The following MAPK4 variants were observed in gnomAD, a reference collection of about 807,000 sequenced individuals.
The protein encoded by MAPK4 is Erk3-related.
MAPK4 carries 22 observed loss-of-function variants against 47.7 expected under a neutral mutation model. That is an observed-to-expected ratio of 0.46 (90% confidence interval 0.33 to 0.66). The LOEUF (loss-of-function observed/expected upper bound fraction) is 0.66, where lower values mean the gene tolerates loss of function less well. Ranked by LOEUF, MAPK4 falls within the 30% of genes least tolerant of loss-of-function variation. MAPK4 has a pLI of 0.02. For missense variants in MAPK4, 736 were observed against 831.7 expected (o/e 0.88, Z 1.42); for synonymous variants, 390 against 365.7 (o/e 1.07, Z -0.76).
chr18:50,680,076 A>G (rs1036161878), intron 2 of MAPK4, among the ~76,000 whole-genome samples: 1 of 111,572 alleles, frequency 9.0e-6, no homozygotes, highest in Non-Finnish European at 1.8e-5. Context: ...TTTGCTTTTA[A>G]ACTTTTTTTT....
chr18:50,621,375 G>A (rs904241716), intron 1 of MAPK4, among the ~76,000 whole-genome samples: 2 of 152,170 alleles, frequency 1.3e-5, no homozygotes, highest in Non-Finnish European at 2.9e-5. Context: ...ACATAGTGCT[G>A]CAGGGAATGA....
chr18:50,567,904 T>C (rs2042214321), intron 1 of MAPK4, among the ~76,000 whole-genome samples: 1 of 152,020 alleles, frequency 6.6e-6, no homozygotes, highest in Non-Finnish European at 1.5e-5. Context: ...GGCCATTTTA[T>C]AAAGAATTCC....
intron 3 of MAPK4, among the ~76,000 whole-genome samples, chr18:50,716,447 G>A (rs1910640011): frequency 6.6e-6 from 1 of 152,068 alleles, no homozygotes; most frequent in Admixed American, 6.5e-5. Context: ...TCCACACTCA[G>A]CCCTAAATGC....
intron 1 of MAPK4, among the ~76,000 whole-genome samples, chr18:50,603,832 T>C (rs73959982): frequency 0.23 from 35,470 of 152,120 alleles, 4,104 homozygotes; most frequent in South Asian, 0.32. Flanking sequence ...TGTAATAGCC[T>C]TCTATTAACC....
Position 50,729,198 on chromosome 18 carries a change from G to T in MAPK4, c.1108G>T (p.Asp370Tyr), listed in dbSNP as rs753357393. 1 of 1,595,126 alleles carries T rather than the reference G, an allele frequency of 6.3e-7. No individual in the cohort carries two copies. The highest frequency in any genetic ancestry group is 1.3e-5 in the African/African-American group (1 of 74,582). ...SLSSDLEWRP[D>Y]RCQDASEVQR... The stretch of plus-strand genomic sequence containing the variant: ...GTCGTCGGACCTGGAGTGGCGGCCT[G>T]ACCGGTGCCAGGACGCCAGCGAGGT... Residue 370 changes from aspartate to tyrosine, a missense_variant, in exon 6 of 6, where the codon GAC becomes TAC. Around this residue, in one of 3 missense-constraint regions of MAPK4, gnomAD observed 377 missense variants for 378.6 expected, o/e 1.00. Transcript: ENST00000400384.
chr18:50,672,090 G>GC (rs930554304), intron 2 of MAPK4, among the ~76,000 whole-genome samples: 3 of 152,100 alleles, frequency 2.0e-5, no homozygotes, highest in African/African-American at 7.2e-5. Flanking sequence ...TCAAGAGAGT[G>GC]CCCTTTTAGT....
At chr18:50,590,485 T>C (rs2042427624) in intron 1 of MAPK4, among the ~76,000 whole-genome samples, 1 of 152,176 alleles carries the variant, frequency 6.6e-6, no homozygotes, top group South Asian at 2.1e-4. Context: ...TGGAAGCACT[T>C]GGATCAGAGC....
intron 1 of MAPK4, among the ~76,000 whole-genome samples, chr18:50,649,175 G>A (rs748937736): frequency 3.3e-5 from 5 of 152,102 alleles, no homozygotes; most frequent in South Asian, 2.1e-4. Flanking sequence ...GCTCAGTCCC[G>A]TGTGAGACCC....
intron 1 of MAPK4, among the ~76,000 whole-genome samples, chr18:50,588,238 G>T (rs532321122): frequency 6.6e-6 from 1 of 152,294 alleles, no homozygotes; most frequent in African/African-American, 2.4e-5. Flanking sequence ...TCATTTGGCT[G>T]CTGTCAGCTG....
At chr18:50,612,702 G>T (rs1253093376) in intron 1 of MAPK4, among the ~76,000 whole-genome samples, 1 of 152,196 alleles carries the variant, frequency 6.6e-6, no homozygotes, top group African/African-American at 2.4e-5. Context: ...GCACCCTGCA[G>T]TCATGGAGCT....
At chr18:50,560,308 T>G (rs2042141365) in intron 1 of MAPK4, 65 bp downstream of exon 1, 1 of 151,978 alleles carries the variant, frequency 6.6e-6, no homozygotes, top group South Asian at 2.1e-4. Flanking sequence ...TTCGGCGGGC[T>G]CCGGAGAAGC....
At chr18:50,576,751 C>T (rs1191375521) in intron 1 of MAPK4, among the ~76,000 whole-genome samples, 8 of 151,934 alleles carry the variant, frequency 5.3e-5, no homozygotes, top group Admixed American at 5.2e-4. Flanking sequence ...TGTGGAAGTC[C>T]CTAGGACAGT....
chr18:50,690,749 T>C (rs913803268), intron 2 of MAPK4, among the ~76,000 whole-genome samples: 4 of 152,212 alleles, frequency 2.6e-5, no homozygotes, highest in Admixed American at 2.6e-4. Flanking sequence ...AGCTTGAGAA[T>C]TGAGGAACGA....
intron 1 of MAPK4, among the ~76,000 whole-genome samples, chr18:50,646,697 A>G (rs189581203): frequency 2.0e-5 from 3 of 152,292 alleles, no homozygotes; most frequent in African/African-American, 7.2e-5. Flanking sequence ...GGGGAGCACA[A>G]TAGGTCCTCC....
chr18:50,707,364 G>A (rs1390585841), intron 2 of MAPK4, among the ~76,000 whole-genome samples: 1 of 152,092 alleles, frequency 6.6e-6, no homozygotes, highest in Non-Finnish European at 1.5e-5. Context: ...GAGCTCAGGA[G>A]TTCAAGAGCA....
At chr18:50,694,891 G>C (rs753314291) in intron 2 of MAPK4, among the ~76,000 whole-genome samples, 7 of 152,216 alleles carry the variant, frequency 4.6e-5, no homozygotes, top group Non-Finnish European at 8.8e-5. Flanking sequence ...AAAAGTCTGT[G>C]CTGGGTATTG....
intron 1 of MAPK4, among the ~76,000 whole-genome samples, chr18:50,615,025 G>A (rs566923136): frequency 6.6e-6 from 1 of 152,290 alleles, no homozygotes; most frequent in African/African-American, 2.4e-5. Context: ...ACAACATTTG[G>A]ACACAGTAGC....
At chr18:50,669,489 G>A (rs762166560) in intron 2 of MAPK4, 1 of 152,262 alleles carries the variant, frequency 6.6e-6, no homozygotes, top group African/African-American at 2.4e-5. Context: ...GGGGCTGCTG[G>A]GGGGACCACC....
intron 1 of MAPK4, among the ~76,000 whole-genome samples, chr18:50,629,232 T>C (rs1164130592): frequency 2.0e-5 from 3 of 152,214 alleles, no homozygotes; most frequent in Non-Finnish European, 4.4e-5. Context: ...GAGAATCATG[T>C]AACAAGCTTG....
Sources: allele counts gnomAD v4.1 joint callset (sites outside exome capture counted in the v4.1 genomes callset), GRCh38; gene constraint gnomAD v4.1.1; regional missense constraint gnomAD v4.1.1; transcripts MANE v1.5; gene names NCBI Gene and HGNC (gene_info 2026-07-23, HGNC 2026-07-21).